The following SNRPN variants were observed in gnomAD, a reference collection of about 807,000 sequenced individuals.
SNRPN encodes the protein small nuclear ribonucleoprotein-associated protein N.
In SNRPN, 7 loss-of-function variants were observed where a neutral mutation model predicts 25.2. The ratio of observed to expected loss-of-function variants is 0.28; its 90% CI spans 0.16 to 0.52. The LOEUF (loss-of-function observed/expected upper bound fraction) is 0.52, where lower values mean the gene tolerates loss of function less well. Ranked by LOEUF, SNRPN falls within the 20% of genes least tolerant of loss-of-function variation. The pLI, the probability that SNRPN is intolerant of heterozygous loss-of-function variation, is 0.96. For missense variants in SNRPN, 196 were observed against 322.5 expected (o/e 0.61, Z 3.00); for synonymous variants, 124 against 110.6 (o/e 1.12, Z -0.76).
In SNRPN at chr15:24,873,472, A is replaced by C. The variant is rs557854577; in HGVS notation, c.-578-13044A>C. Among the ~76,000 whole-genome samples, 4 of 128,028 alleles carry C rather than the reference A, an allele frequency of 3.1e-5. 1 individual carries two copies. Among genetic ancestry groups the C allele is most frequent in the Non-Finnish European group, 6.8e-5 (4 of 58,632 alleles). The allele number at this position is 128,028 out of a possible 152,430, so 84.0% of individuals were successfully genotyped here. ...TTTGTCTCTCTTTTTTTTTGAGACA[A>C]AGTCTCGCTCTGTTGCCCAGGCTAG... On this transcript the variant is annotated intron_variant, in intron 1 of 11. Transcript: ENST00000400097.
At chr15:24,948,401 C>T (rs551374270) in intron 3 of SNRPN, among the ~76,000 whole-genome samples, 11 of 152,144 alleles carry the variant, frequency 7.2e-5, no homozygotes, top group South Asian at 2.1e-4. Flanking sequence ...TGTGAGCCAC[C>T]GCACCTGGCC....
At position 24,974,399 on chromosome 15, in the gene SNRPN, T is replaced by TTGCTAGCCTTCCCCTAGATG. The variant is rs2076823680; in HGVS notation, c.-55_-54insTGCTAGCCTTCCCCTAGATG. The TTGCTAGCCTTCCCCTAGATG allele has an allele frequency of 6.3e-7, 1 of 1,577,328 alleles. No homozygotes were observed. Among genetic ancestry groups the TTGCTAGCCTTCCCCTAGATG allele is most frequent in the Admixed American group, 1.7e-5 (1 of 59,960 alleles). ...CCTTTATCTATAGCCTTCCCCTAGG[T>TTGCTAGCCTTCCCCTAGATG]CTTCAGAAGCATCAAGTTTTAACTG... On this transcript the variant is annotated 5_prime_UTR_variant, in exon 4 of 10. The change creates a new upstream start codon in the 5' untranslated region. Transcript: ENST00000390687.
At chr15:24,910,264 C>A (rs1225629078) in intron 2 of SNRPN, among the ~76,000 whole-genome samples, 5 of 152,116 alleles carry the variant, frequency 3.3e-5, no homozygotes, top group African/African-American at 1.2e-4. Flanking sequence ...TACTGCATAG[C>A]TTCTCTTAAC....
At chr15:24,962,993 C>T (rs961223184) in intron 2 of SNRPN, among the ~76,000 whole-genome samples, 9 of 115,362 alleles carry the variant, frequency 7.8e-5, no homozygotes, top group African/African-American at 4.2e-4. Flanking sequence ...CATTTTAAAG[C>T]AACTACCAAC....
chr15:24,852,966 G>A (rs1267779800), upstream of SNRPN, among the ~76,000 whole-genome samples: 5 of 151,954 alleles, frequency 3.3e-5, no homozygotes, highest in African/African-American at 1.2e-4. Context: ...AAATAACAGA[G>A]AAAAATAATT....
At chr15:24,949,071 G>A (rs778515473) in intron 3 of SNRPN, among the ~76,000 whole-genome samples, 108 of 131,846 alleles carry the variant, frequency 8.2e-4, no homozygotes, top group Non-Finnish European at 9.0e-4. Flanking sequence ...ACCTAGGCTG[G>A]AGTGCAGTGG....
intron 1 of SNRPN, among the ~76,000 whole-genome samples, chr15:24,860,586 T>C (rs2053902580): frequency 6.6e-6 from 1 of 152,178 alleles, no homozygotes; most frequent in Non-Finnish European, 1.5e-5. Context: ...TATACCTAAC[T>C]TAGTTAAAAT....
At chr15:24,888,080 G>A (rs537419267) in intron 2 of SNRPN, among the ~76,000 whole-genome samples, 38 of 150,822 alleles carry the variant, frequency 2.5e-4, no homozygotes, top group South Asian at 1.1e-3. Context: ...ATATTTTACC[G>A]TAATATAAAA....
intron 2 of SNRPN, among the ~76,000 whole-genome samples, chr15:24,893,171 G>GCA (rs2057808217): frequency 6.6e-6 from 1 of 152,058 alleles, no homozygotes; most frequent in South Asian, 2.1e-4. Context: ...TCGAGCCACT[G>GCA]CACTCCAGCC....
chr15:24,902,087 G>A (rs534151542), intron 2 of SNRPN, among the ~76,000 whole-genome samples: 1 of 152,298 alleles, frequency 6.6e-6, no homozygotes, highest in South Asian at 2.1e-4. Flanking sequence ...TTCGGGAGGG[G>A]AAAATGGAAA....
In SNRPN at chr15:24,864,677, A is replaced by G. The variant is rs554443378; in HGVS notation, c.-579+7961A>G. On this transcript the variant is annotated intron_variant, in intron 1 of 11. Transcript: ENST00000400097. ...TTTTTGTTTGTTTGCTTTGTTTTTA[A>G]TAGATACATTTCCCCCCTATGCTCC... 7.9e-5 allele frequency among the ~76,000 whole-genome samples: 12 copies of G among 151,902 alleles called. No homozygotes were observed. The South Asian group carries it at 2.3e-3, about 29-fold the overall frequency.
intron 3 of SNRPN, among the ~76,000 whole-genome samples, chr15:24,934,620 G>A (rs986767513): frequency 2.0e-5 from 3 of 152,260 alleles, no homozygotes; most frequent in Non-Finnish European, 4.4e-5. Context: ...AAGCAGTGGC[G>A]TCATCTCAGC....
intron 3 of SNRPN, among the ~76,000 whole-genome samples, chr15:24,970,555 C>T (rs79400807): frequency 2.6e-4 from 39 of 152,038 alleles, no homozygotes; most frequent in Admixed American, 9.2e-4. Flanking sequence ...CTTCAGCCTG[C>T]GTGACAGAGC....
intron 2 of SNRPN, among the ~76,000 whole-genome samples, chr15:24,843,823 C>T (rs1329536799): frequency 1.3e-5 from 1 of 77,778 alleles, no homozygotes; most frequent in South Asian, 3.5e-4. Context: ...ACACAGAAAA[C>T]TTAGCTAGGC....
At chr15:24,875,705 G>A (rs1345174375) in intron 1 of SNRPN, among the ~76,000 whole-genome samples, 1 of 152,134 alleles carries the variant, frequency 6.6e-6, no homozygotes, top group Non-Finnish European at 1.5e-5. Context: ...GACTGCTTGA[G>A]CCCAGGAGTT....
intron 2 of SNRPN, among the ~76,000 whole-genome samples, chr15:24,919,816 CCTGA>C (rs1322109611): frequency 1.3e-5 from 2 of 152,148 alleles, no homozygotes; most frequent in African/African-American, 2.4e-5. Flanking sequence ...GGTTCAGGTG[CCTGA>C]CTAATGTTTG....
intron 2 of SNRPN, chr15:24,850,684 T>G (rs2052738758): frequency 6.6e-6 from 1 of 152,118 alleles, no homozygotes; most frequent in Admixed American, 6.6e-5. Flanking sequence ...GGAGCAAAAC[T>G]GTCCAGAAAA....
At chr15:24,912,193 G>A (rs1406674368) in intron 2 of SNRPN, among the ~76,000 whole-genome samples, 1 of 152,152 alleles carries the variant, frequency 6.6e-6, no homozygotes, top group African/African-American at 2.4e-5. Context: ...ATGTCACCCA[G>A]GCTGGTCTCA....
intron 7 of SNRPN, 28 bp downstream of exon 7, chr15:24,977,057 T>A: frequency 6.6e-7 from 1 of 1,525,670 alleles, no homozygotes; most frequent in Non-Finnish European, 8.8e-7. Context: ...GGTTTTATAT[T>A]ATTGGGAGAA....
Sources: gnomAD v4.1 joint callset for allele counts (sites outside exome capture counted in the v4.1 genomes callset) on GRCh38, gnomAD v4.1.1 for gene constraint, MANE v1.5 for transcripts, NCBI Gene and HGNC (gene_info 2026-07-23, HGNC 2026-07-21) for gene names.